The following ACTN2 variants were observed in gnomAD, a reference collection of about 807,000 sequenced individuals.
ACTN2 encodes alpha-actinin-2.
Under a neutral mutation model 113.8 loss-of-function variants are expected in ACTN2, and 39 were observed. The observed-to-expected ratio is 0.34, with a 90% CI of 0.27 to 0.45. The LOEUF (loss-of-function observed/expected upper bound fraction) is 0.45. Ranked by LOEUF, ACTN2 falls within the 20% of genes least tolerant of loss-of-function variation. The probability of loss-of-function intolerance (pLI) is 1.00; values close to 1 mark genes in which losing one functional copy is unlikely to be tolerated. For synonymous variants in ACTN2, 429 were observed against 444.1 expected, an observed-to-expected ratio of 0.97 and a Z score of 0.43; for missense variants, 992 against 1,177.9, an observed-to-expected ratio of 0.84 and a Z score of 2.31.
chr1:236,722,375 G>A (rs1207474239), intron 4 of ACTN2, among the ~76,000 whole-genome samples: 2 of 152,148 alleles, frequency 1.3e-5, no homozygotes, highest in Admixed American at 6.5e-5. Context: ...GGTGGCTCAC[G>A]CCTGTAACCC....
In ACTN2 at chr1:236,727,576, G is replaced by T. The variant is rs1464071386; in HGVS notation, c.537-102G>T. ...AAGCTACATGGGGCCCTCCGTGCAT[G>T]AAGTCAGACAGAAGGAAGGCCAACA... On this transcript the variant is annotated intron_variant, in intron 5 of 20. Coordinates refer to ENST00000366578, the MANE Select transcript of ACTN2 (RefSeq NM_001103.4). 5 of 1,232,926 alleles carry T rather than the reference G, an allele frequency of 4.1e-6. No individual in the cohort carries two copies. The Admixed American group carries it at 8.8e-5, about 22-fold the overall frequency. 76.4% of individuals were successfully genotyped at this position (1,232,926 alleles called of 1,614,324 possible). A position where few individuals can be genotyped will look rare whatever the true frequency, so the allele number is the denominator to read the frequency against.
At chr1:236,716,217 A>T (rs1297048833) in intron 1 of ACTN2, among the ~76,000 whole-genome samples, 3 of 151,516 alleles carry the variant, frequency 2.0e-5, no homozygotes, top group Admixed American at 6.6e-5. Flanking sequence ...TTTTATGGAC[A>T]CTTTGTCTTT....
intron 1 of ACTN2, among the ~76,000 whole-genome samples, chr1:236,689,976 G>A (rs1666022219): frequency 1.3e-5 from 2 of 152,214 alleles, no homozygotes; most frequent in African/African-American, 2.4e-5. Flanking sequence ...TTAAGGACAC[G>A]AAATATGTGT....
chr1:236,734,599 C>T (rs1572128174), intron 7 of ACTN2: 2 of 1,003,120 alleles, frequency 2.0e-6, no homozygotes, highest in East Asian at 2.7e-5. Context: ...CCTCTTTTTT[C>T]CCCCCTCTCC....
At chr1:236,742,847 C>T (rs756853022) in intron 10 of ACTN2, 49 bp from the exon 11 acceptor site, 14 of 1,612,776 alleles carry the variant, frequency 8.7e-6, no homozygotes, top group South Asian at 3.3e-5. Flanking sequence ...CAGAATGTAA[C>T]GAAGGTGCTT....
chr1:236,724,781 C>T (rs567174560), intron 4 of ACTN2, among the ~76,000 whole-genome samples: 28 of 150,974 alleles, frequency 1.9e-4, no homozygotes, highest in Non-Finnish European at 3.2e-4. Flanking sequence ...CAGCTGAAGC[C>T]GTGGGACGTC....
intron 6 of ACTN2, among the ~76,000 whole-genome samples, chr1:236,729,088 G>T (rs1280877533): frequency 1.3e-5 from 2 of 152,074 alleles, no homozygotes; most frequent in African/African-American, 4.8e-5. Context: ...TTCCATCATG[G>T]GTGGTGAAAC....
intron 1 of ACTN2, among the ~76,000 whole-genome samples, chr1:236,713,537 C>A (rs1241257200): frequency 2.0e-5 from 3 of 151,884 alleles, no homozygotes; most frequent in African/African-American, 7.3e-5. Flanking sequence ...AAGTATAGAA[C>A]AATGTATATC....
chr1:236,758,452 A>AT (rs774302653), intron 18 of ACTN2, among the ~76,000 whole-genome samples: 3,733 of 128,312 alleles, frequency 0.029, 120 homozygotes, highest in East Asian at 0.096. Context: ...TGCCTGGCTA[A>AT]TTTTTTTTTT....
At position 236,758,760 on chromosome 1, in the gene ACTN2, C is replaced by T. The variant is rs550155346; in HGVS notation, c.2302-964C>T. ...TCAGCCTCCCAAGTAGCTGGGATTA[C>T]AGGCATATGCCACCATGCCTGGCTA... On this transcript the variant is annotated intron_variant, in intron 18 of 20. Transcript: ENST00000366578. Among the ~76,000 whole-genome samples the T allele has an allele frequency of 2.0e-5, 3 of 149,504 alleles. No individual in the cohort carries two copies. In the South Asian group the frequency reaches 6.5e-4, roughly 32 times the overall value.
chr1:236,726,654 G>A (rs1400429229), intron 5 of ACTN2, among the ~76,000 whole-genome samples: 1 of 152,128 alleles, frequency 6.6e-6, no homozygotes, highest in Non-Finnish European at 1.5e-5. Context: ...AATGCAAAAA[G>A]GCCACTGAGA....
At chr1:236,691,975 G>T (rs903705645) in intron 1 of ACTN2, among the ~76,000 whole-genome samples, 1 of 152,246 alleles carries the variant, frequency 6.6e-6, no homozygotes, top group Admixed American at 6.5e-5. Context: ...TAAGGTGAGT[G>T]CAGACTTCAT....
chr1:236,762,402 A>T (rs775590631), intron 20 of ACTN2, 59 bp from the exon 21 acceptor site: 7 of 1,597,042 alleles, frequency 4.4e-6, no homozygotes, highest in Admixed American at 3.3e-5. Flanking sequence ...AAGTATTAAG[A>T]CTGTTTATGT....
chr1:236,737,318 T>TATATA lies in ACTN2; in HGVS notation c.876+104_876+105insATATA, dbSNP rs1465770912. The TATATA allele has an allele frequency of 1.5e-3, 440 of 295,618 alleles. 36 individuals carry two copies. The highest frequency in any genetic ancestry group is 2.7e-3 in the South Asian group (77 of 28,486). The allele number at this position is 295,618 out of a possible 1,614,324, so 18.3% of individuals were successfully genotyped here. A position where few individuals can be genotyped will look rare whatever the true frequency, so the allele number is the denominator to read the frequency against. On this transcript the variant is annotated intron_variant, in intron 9 of 20. Transcript: ENST00000366578. ...GGGGGCATATATATATATATATATA[T>TATATA]TTTGCATTTTTCATCTCAGATAGGA...
At chr1:236,732,615 G>GT (rs541203305) in intron 7 of ACTN2, among the ~76,000 whole-genome samples, 1,597 of 151,650 alleles carry the variant, frequency 0.011, 29 homozygotes, top group African/African-American at 0.036. Context: ...GCTACTTTTT[G>GT]TTTTTTTAGT....
intron 8 of ACTN2, among the ~76,000 whole-genome samples, chr1:236,736,170 G>A (rs1317532636): frequency 6.6e-6 from 1 of 152,214 alleles, no homozygotes; most frequent in Non-Finnish European, 1.5e-5. Flanking sequence ...AATAGTGGAG[G>A]GGATAACAGA....
At chr1:236,742,696 A>G (rs1344508002) in intron 10 of ACTN2, among the ~76,000 whole-genome samples, 200 bp from the exon 11 acceptor site, 2 of 152,220 alleles carry the variant, frequency 1.3e-5, no homozygotes, top group Non-Finnish European at 2.9e-5. Flanking sequence ...GTCTTAAAAG[A>G]TCCCAGTGAA....
chr1:236,744,294 G>C (rs34583860), intron 11 of ACTN2, among the ~76,000 whole-genome samples: 18,402 of 152,192 alleles, frequency 0.12, 1,212 homozygotes, highest in Middle Eastern at 0.23. Flanking sequence ...TGAATAATTA[G>C]TAACTTAACT....
chr1:236,692,094 G>C (rs1007152221), intron 1 of ACTN2, among the ~76,000 whole-genome samples: 2 of 152,224 alleles, frequency 1.3e-5, no homozygotes, highest in African/African-American at 4.8e-5. Flanking sequence ...CCTGAGGCTG[G>C]GGGACCCAGG....
Sources: gnomAD v4.1 joint callset for allele counts (sites outside exome capture counted in the v4.1 genomes callset) on GRCh38, gnomAD v4.1.1 for gene constraint, MANE v1.5 for transcripts, NCBI Gene and HGNC (gene_info 2026-07-23, HGNC 2026-07-21) for gene names.